KCNH8: variants seen among roughly 807,000 people sequenced by gnomAD.
KCNH8 encodes the protein potassium voltage-gated channel subfamily H member 8.
A neutral mutation model predicts 103.6 loss-of-function variants in KCNH8; 70 were observed. The ratio of observed to expected loss-of-function variants is 0.68; its 90% CI spans 0.56 to 0.82. The LOEUF (loss-of-function observed/expected upper bound fraction) is 0.82. KCNH8 is among the 40% of genes least tolerant of loss of function. KCNH8 has a pLI of 0.00. For missense variants in KCNH8, 1,217 were observed against 1,329.9 expected (o/e 0.92, Z 1.32); for synonymous variants, 498 against 489.4 (o/e 1.02, Z -0.23).
chr3:19,183,848 A>G (rs958093572), intron 1 of KCNH8, among the ~76,000 whole-genome samples: 20 of 152,170 alleles, frequency 1.3e-4, no homozygotes, highest in Non-Finnish European at 2.1e-4. Context: ...AAAGATGCTG[A>G]ACCTGATTAG....
Position 19,513,018 on chromosome 3 carries a change from G to A in KCNH8, c.2128G>A (p.Val710Met), listed in dbSNP as rs200207926. The stretch of plus-strand genomic sequence containing the variant: ...CATCAACAAGCGACTCCCATCCATT[G>A]TGGAAGATGAGGAAGAGGAGGAGGA... ...GNINKRLPSI[V>M]EDEEEEEEGE... The change falls in exon 13 of 16, where the codon GTG (valine) becomes ATG (methionine). Residue 710 changes from valine to methionine, a missense_variant. Physicochemically the swap from Val to Met is conservative, Grantham distance 21. Around this residue, in one of 3 missense-constraint regions of KCNH8, gnomAD observed 558 missense variants for 495.8 expected, o/e 1.13. Coordinates refer to ENST00000328405, the MANE Select transcript of KCNH8 (RefSeq NM_144633.3). 26 of 1,613,614 alleles carry A rather than the reference G, an allele frequency of 1.6e-5. No homozygotes were observed. Among genetic ancestry groups the A allele is most frequent in the Non-Finnish European group, 2.1e-5 (25 of 1,179,880 alleles).
chr3:19,281,165 T>C, intron 2 of KCNH8, 33 bp from the exon 3 acceptor site: 1 of 1,600,038 alleles, frequency 6.2e-7, no homozygotes, highest in East Asian at 2.2e-5. Context: ...AAGGCAATGG[T>C]TGATTTGTAT....
At chr3:19,520,809 C>A (rs537290843) in intron 15 of KCNH8, among the ~76,000 whole-genome samples, 1 of 151,940 alleles carries the variant, frequency 6.6e-6, no homozygotes, top group African/African-American at 2.4e-5. Context: ...CAGAGCGCTG[C>A]AGAATCTCTA....
intron 5 of KCNH8, among the ~76,000 whole-genome samples, chr3:19,352,476 G>T (rs887950741): frequency 2.0e-5 from 3 of 152,026 alleles, no homozygotes; most frequent in African/African-American, 7.2e-5. Context: ...TGACCACATA[G>T]TTGGAAGTAA....
At chr3:19,373,927 G>C (rs2066147113) in intron 5 of KCNH8, among the ~76,000 whole-genome samples, 1 of 152,114 alleles carries the variant, frequency 6.6e-6, no homozygotes, top group Non-Finnish European at 1.5e-5. Flanking sequence ...TTTTGAGTGA[G>C]ATTCTTAATC....
intron 7 of KCNH8, among the ~76,000 whole-genome samples, chr3:19,434,227 A>G (rs1214922154): frequency 6.6e-6 from 1 of 152,224 alleles, no homozygotes. Context: ...AGAGACAGAT[A>G]TGTAAGTATG....
chr3:19,211,379 G>A (rs182573863), intron 1 of KCNH8, among the ~76,000 whole-genome samples: 2 of 152,250 alleles, frequency 1.3e-5, no homozygotes, highest in African/African-American at 4.8e-5. Context: ...CTTCATGGAA[G>A]AGGTGGGGCT....
At chr3:19,173,889 T>C (rs2063372787) in intron 1 of KCNH8, among the ~76,000 whole-genome samples, 1 of 151,854 alleles carries the variant, frequency 6.6e-6, no homozygotes. Flanking sequence ...TTGGTAACTG[T>C]GCTTATCAGG....
At chr3:19,331,586 C>T (rs367703361) in intron 3 of KCNH8, among the ~76,000 whole-genome samples, 5 of 152,114 alleles carry the variant, frequency 3.3e-5, no homozygotes, top group East Asian at 1.9e-4. Flanking sequence ...CCACCGTTCC[C>T]GGCCAATTAT....
chr3:19,228,846 A>C (rs1279395450), intron 1 of KCNH8, among the ~76,000 whole-genome samples: 1 of 152,242 alleles, frequency 6.6e-6, no homozygotes, highest in South Asian at 2.1e-4. Flanking sequence ...CTATGAAAAA[A>C]ATTGTATTTA....
intron 1 of KCNH8, among the ~76,000 whole-genome samples, chr3:19,206,783 G>T (rs112196823): frequency 0.02 from 2,993 of 152,046 alleles, 94 homozygotes; most frequent in African/African-American, 0.067. Context: ...ATCACCCAGG[G>T]GATGAACTGA....
In KCNH8 at chr3:19,450,178, A is replaced by G. The variant is rs747983843; in HGVS notation, c.1448A>G (p.Tyr483Cys). ...AGGATGTACTCCAGATGGTCCCTCT[A>G]TCACACTAGAACTAAGGATCTGAAA... ...IQRMYSRWSL[Y>C]HTRTKDLKDF... is the part of the protein sequence containing the mutation. Residue 483 changes from tyrosine to cysteine, a missense_variant, in exon 9 of 16, where the codon TAT becomes TGT. Tyr to Cys is a radical substitution (Grantham distance 194). This residue lies in a region of KCNH8 where 415 missense variants were observed against 577.4 expected (regional missense o/e 0.72). Coordinates refer to ENST00000328405, the MANE Select transcript of KCNH8 (RefSeq NM_144633.3). 1.9e-6 allele frequency: 3 copies of G among 1,613,702 alleles called. No homozygotes were observed. Among genetic ancestry groups the G allele is most frequent in the Non-Finnish European group, 2.5e-6 (3 of 1,179,760 alleles).
At chr3:19,373,932 T>C (rs2066147206) in intron 5 of KCNH8, among the ~76,000 whole-genome samples, 1 of 152,212 alleles carries the variant, frequency 6.6e-6, no homozygotes, top group African/African-American at 2.4e-5. Flanking sequence ...AGTGAGATTC[T>C]TAATCCTGAG....
intron 11 of KCNH8, among the ~76,000 whole-genome samples, chr3:19,480,763 G>T (rs2068071539): frequency 6.6e-6 from 1 of 151,984 alleles, no homozygotes; most frequent in Admixed American, 6.6e-5. Flanking sequence ...AATTTGTTTT[G>T]CTTTTTTTGT....
intron 3 of KCNH8, among the ~76,000 whole-genome samples, chr3:19,307,108 T>C (rs2065140221): frequency 6.6e-6 from 1 of 151,816 alleles, no homozygotes; most frequent in South Asian, 2.1e-4. Flanking sequence ...GTGCCTAGAA[T>C]ACTCACTGAG....
At chr3:19,256,810 C>A (rs775200171) in intron 2 of KCNH8, among the ~76,000 whole-genome samples, 1 of 152,148 alleles carries the variant, frequency 6.6e-6, no homozygotes, top group Middle Eastern at 3.4e-3. Flanking sequence ...GGCACCAGTT[C>A]CCTTTAAGTT....
At chr3:19,213,040 A>G (rs1275973851) in intron 1 of KCNH8, among the ~76,000 whole-genome samples, 1 of 151,966 alleles carries the variant, frequency 6.6e-6, no homozygotes, top group African/African-American at 2.4e-5. Flanking sequence ...TCAATTTCTC[A>G]TTAATTATCT....
intron 8 of KCNH8, among the ~76,000 whole-genome samples, chr3:19,440,562 T>C (rs1216175871): frequency 6.6e-6 from 1 of 152,064 alleles, no homozygotes; most frequent in African/African-American, 2.4e-5. Context: ...TTATTTACTA[T>C]CAGGAGAACA....
At chr3:19,312,238 A>G (rs969237305) in intron 3 of KCNH8, among the ~76,000 whole-genome samples, 1 of 151,988 alleles carries the variant, frequency 6.6e-6, no homozygotes, top group Non-Finnish European at 1.5e-5. Flanking sequence ...CAATGGCATA[A>G]GAAGGAACTA....
Sources: allele counts gnomAD v4.1 joint callset (sites outside exome capture counted in the v4.1 genomes callset), GRCh38; gene constraint gnomAD v4.1.1; regional missense constraint gnomAD v4.1.1; transcripts MANE v1.5; gene names NCBI Gene and HGNC (gene_info 2026-07-23, HGNC 2026-07-21).